Variants in MAP2K4 observed in about 807,000 individuals in gnomAD.
MAP2K4 encodes mitogen-activated protein kinase kinase 4, also known as dual specificity mitogen-activated protein kinase kinase 4.
In MAP2K4, 4 loss-of-function variants were observed where a neutral mutation model predicts 48.5. That is an observed-to-expected ratio of 0.08 (90% confidence interval 0.04 to 0.19). The LOEUF (loss-of-function observed/expected upper bound fraction) is 0.19, where lower values mean the gene tolerates loss of function less well. Among genes scored for constraint, MAP2K4 ranks in the 10% least tolerant of loss-of-function variants. MAP2K4 has a pLI of 1.00. For missense variants in MAP2K4, 258 were observed against 493.3 expected, an observed-to-expected ratio of 0.52 and a Z score of 4.52; for synonymous variants, 166 against 173.1, an observed-to-expected ratio of 0.96 and a Z score of 0.32.
intron 3 of MAP2K4, among the ~76,000 whole-genome samples, chr17:12,083,828 G>A (rs1287639452): frequency 2.0e-5 from 3 of 152,204 alleles, no homozygotes. Context: ...CAGAATCAAT[G>A]TATGATTAAG....
intron 3 of MAP2K4, among the ~76,000 whole-genome samples, chr17:12,084,652 A>G (rs1203454683): frequency 6.6e-6 from 1 of 152,194 alleles, no homozygotes. Flanking sequence ...TGTCCTCTAC[A>G]TAAAGTAGGT....
At chr17:12,062,430 A>G (rs1042288935) in intron 2 of MAP2K4, among the ~76,000 whole-genome samples, 4 of 151,906 alleles carry the variant, frequency 2.6e-5, no homozygotes, top group Admixed American at 2.6e-4. Context: ...GAACCACTGG[A>G]CTCAAGTGAT....
chr17:12,069,080 A>G (rs1011622665), intron 2 of MAP2K4, among the ~76,000 whole-genome samples: 2 of 152,198 alleles, frequency 1.3e-5, no homozygotes, highest in African/African-American at 4.8e-5. Context: ...GCATGATGTT[A>G]TAGAAATCTA....
chr17:12,071,342 G>A (rs1297416845), intron 2 of MAP2K4, among the ~76,000 whole-genome samples: 1 of 152,132 alleles, frequency 6.6e-6, no homozygotes, highest in African/African-American at 2.4e-5. Flanking sequence ...CCAGTTCTTA[G>A]TGTTTCCTTT....
At chr17:12,132,751 A>G (rs911436749) in intron 9 of MAP2K4, among the ~76,000 whole-genome samples, 35 of 144,392 alleles carry the variant, frequency 2.4e-4, no homozygotes, top group African/African-American at 7.0e-4. Context: ...TTGAAAAAGG[A>G]AAGTTTATTA....
At chr17:12,125,683 C>CATTG (rs1972830953) in intron 8 of MAP2K4, among the ~76,000 whole-genome samples, 4 of 152,148 alleles carry the variant, frequency 2.6e-5, no homozygotes, top group African/African-American at 9.7e-5. Flanking sequence ...AGCCAGCTTA[C>CATTG]CTGCAGTCAA....
At chr17:12,032,348 T>A in intron 1 of MAP2K4, 1 of 986,702 alleles carries the variant, frequency 1.0e-6, no homozygotes, top group Non-Finnish European at 1.4e-6. Flanking sequence ...TTCATATCCA[T>A]CTTGGTATTG....
At chr17:12,139,742 G>T in intron 9 of MAP2K4, 97 bp from the exon 10 acceptor site, 1 of 843,130 alleles carries the variant, frequency 1.2e-6, no homozygotes, top group Non-Finnish European at 1.9e-6. Flanking sequence ...CTGAAGGAAA[G>T]AACTATTTCA....
chr17:12,060,462 G>T (rs1970411990), intron 2 of MAP2K4, among the ~76,000 whole-genome samples: 1 of 152,170 alleles, frequency 6.6e-6, no homozygotes, highest in Non-Finnish European at 1.5e-5. Flanking sequence ...TTTGTGAGGT[G>T]GGAGAGAGTT....
At position 12,110,985 on chromosome 17, in the gene MAP2K4, A is replaced by C. The variant is rs373724625; in HGVS notation, c.685+559A>C. Among the ~76,000 whole-genome samples the C allele has an allele frequency of 9.2e-5, 14 of 152,324 alleles. 1 individual carries two copies. In the East Asian group the frequency reaches 2.3e-3, roughly 25 times the overall value. ...TGATGTAGTTGAAGGCCAGACCTAG[A>C]AAAGTAGTAACCCTGTGGGAATCCT... On this transcript the variant is annotated intron_variant, in intron 6 of 10. Coordinates refer to ENST00000353533, the MANE Select transcript of MAP2K4 (RefSeq NM_003010.4).
At chr17:12,049,092 G>GT (rs1269598688) in intron 1 of MAP2K4, among the ~76,000 whole-genome samples, 1 of 152,162 alleles carries the variant, frequency 6.6e-6, no homozygotes, top group Non-Finnish European at 1.5e-5. Context: ...TGACTGTAAA[G>GT]TTGCATAGTT....
chr17:12,027,231 C>T (rs538149351), intron 1 of MAP2K4, among the ~76,000 whole-genome samples: 2 of 152,034 alleles, frequency 1.3e-5, no homozygotes, highest in African/African-American at 2.4e-5. Flanking sequence ...TGTAGCTACA[C>T]AGTGAAAGGG....
chr17:12,025,381 G>GT (rs1282868236), intron 1 of MAP2K4, among the ~76,000 whole-genome samples: 1 of 152,148 alleles, frequency 6.6e-6, no homozygotes, highest in African/African-American at 2.4e-5. Flanking sequence ...TATACAGATT[G>GT]TTATTAGACA....
chr17:12,120,041 A>G (rs1972632432), intron 7 of MAP2K4, among the ~76,000 whole-genome samples: 1 of 152,218 alleles, frequency 6.6e-6, no homozygotes, highest in Non-Finnish European at 1.5e-5. Context: ...AGAAAAAATA[A>G]CTATTGGGTA....
chr17:12,131,705 A>T (rs891390258), intron 9 of MAP2K4, among the ~76,000 whole-genome samples: 9 of 152,172 alleles, frequency 5.9e-5, no homozygotes, highest in African/African-American at 2.2e-4. Context: ...GAAAGTAGCC[A>T]AACCTAAGAG....
At chr17:12,119,688 C>T (rs1056747532) in intron 7 of MAP2K4, among the ~76,000 whole-genome samples, 3 of 152,178 alleles carry the variant, frequency 2.0e-5, no homozygotes, top group African/African-American at 7.2e-5. Context: ...AAGACACATA[C>T]ACACATATGT....
chr17:12,070,543 G>A (rs933349946), intron 2 of MAP2K4, among the ~76,000 whole-genome samples: 1 of 152,132 alleles, frequency 6.6e-6, no homozygotes, highest in African/African-American at 2.4e-5. Flanking sequence ...TTATCATATA[G>A]AGCATAATTA....
intron 2 of MAP2K4, among the ~76,000 whole-genome samples, chr17:12,078,345 T>G (rs1396283529): frequency 1.3e-5 from 2 of 151,966 alleles, no homozygotes; most frequent in Non-Finnish European, 2.9e-5. Flanking sequence ...GCACAGAAAA[T>G]TATGAAGGGA....
chr17:12,044,139 C>A (rs1162304953), intron 1 of MAP2K4, among the ~76,000 whole-genome samples: 1 of 152,104 alleles, frequency 6.6e-6, no homozygotes, highest in Non-Finnish European at 1.5e-5. Flanking sequence ...AAACCTGGGA[C>A]AAAGGCAAAA....
Sources: allele counts gnomAD v4.1 joint callset (sites outside exome capture counted in the v4.1 genomes callset), GRCh38; gene constraint gnomAD v4.1.1; transcripts MANE v1.5; gene names NCBI Gene and HGNC (gene_info 2026-07-23, HGNC 2026-07-21).